Variants in SLC44A5 observed in about 807,000 individuals in gnomAD.
SLC44A5 encodes choline transporter-like protein 5.
Under a neutral mutation model 101.8 loss-of-function variants are expected in SLC44A5, and 57 were observed. The observed-to-expected ratio is 0.56, with a 90% CI of 0.45 to 0.70. SLC44A5 has a LOEUF of 0.70. Ranked by LOEUF, SLC44A5 falls within the 30% of genes least tolerant of loss-of-function variation. The pLI, the probability that SLC44A5 is intolerant of heterozygous loss-of-function variation, is 0.00. For missense variants in SLC44A5, 737 were observed against 853.1 expected (o/e 0.86, Z 1.70); for synonymous variants, 281 against 290.9 (o/e 0.97, Z 0.35).
At chr1:75,682,356 A>G in the SLC44A5 span, among the ~76,000 whole-genome samples, 1 of 152,046 alleles carries the variant, frequency 6.6e-6, no homozygotes, top group Admixed American at 6.6e-5. Context: ...TTCAAACTAT[A>G]CTACAAGGCT....
At chr1:75,578,068 G>A (rs1673473120) in intron 1 of SLC44A5, among the ~76,000 whole-genome samples, 1 of 151,974 alleles carries the variant, frequency 6.6e-6, no homozygotes, top group Non-Finnish European at 1.5e-5. Flanking sequence ...ATTCTCTAAA[G>A]ATGATCTGCT....
At chr1:75,511,142 C>CA (rs1475964625) in intron 2 of SLC44A5, among the ~76,000 whole-genome samples, 4 of 150,504 alleles carry the variant, frequency 2.7e-5, no homozygotes, top group Non-Finnish European at 4.4e-5. Context: ...GACTCCGTCT[C>CA]AGAAAAAAAG....
the SLC44A5 span, among the ~76,000 whole-genome samples, chr1:75,717,340 C>CA: frequency 2.1e-3 from 209 of 97,724 alleles, no homozygotes; most frequent in South Asian, 2.9e-3. Flanking sequence ...GACCCTGTCT[C>CA]AAAAAAAAAA....
At chr1:75,364,292 T>C (rs948014879) in intron 3 of SLC44A5, among the ~76,000 whole-genome samples, 8 of 152,180 alleles carry the variant, frequency 5.3e-5, no homozygotes, top group Non-Finnish European at 1.5e-5. Flanking sequence ...TGCTGGCATC[T>C]GCTCAGCTTC....
At chr1:75,367,045 G>T (rs1220895444) in intron 3 of SLC44A5, among the ~76,000 whole-genome samples, 1 of 152,170 alleles carries the variant, frequency 6.6e-6, no homozygotes, top group Non-Finnish European at 1.5e-5. Flanking sequence ...TTTGATGTCA[G>T]TTACTAGAGC....
intron 2 of SLC44A5, among the ~76,000 whole-genome samples, chr1:75,516,078 T>G (rs1443110826): frequency 6.6e-6 from 1 of 152,198 alleles, no homozygotes; most frequent in African/African-American, 2.4e-5. Context: ...TTTCCAATTA[T>G]AATAGAGCCA....
chr1:75,611,245 G>C (rs564027774), upstream of SLC44A5: 12 of 201,480 alleles, frequency 6.0e-5, no homozygotes, highest in African/African-American at 2.4e-4. Flanking sequence ...GTATAAAGAG[G>C]GGGAGGAGAC....
intron 23 of SLC44A5, among the ~76,000 whole-genome samples, chr1:75,209,455 T>C (rs1202975576): frequency 2.0e-5 from 3 of 152,216 alleles, no homozygotes; most frequent in Non-Finnish European, 4.4e-5. Flanking sequence ...TTGACCTTAC[T>C]CGTGCTCCTT....
chr1:75,452,409 A>T (rs576564102), intron 2 of SLC44A5, among the ~76,000 whole-genome samples: 1 of 152,296 alleles, frequency 6.6e-6, no homozygotes, highest in African/African-American at 2.4e-5. Flanking sequence ...AGCTCTAAAC[A>T]TGGAAATGAC....
chr1:75,510,641 T>C (rs1408740882), intron 2 of SLC44A5, among the ~76,000 whole-genome samples: 1 of 152,164 alleles, frequency 6.6e-6, no homozygotes, highest in African/African-American at 2.4e-5. Flanking sequence ...GCTAAACAAA[T>C]TCACATATAC....
chr1:75,600,798 C>T (rs1233469797), intron 1 of SLC44A5, among the ~76,000 whole-genome samples: 3 of 152,058 alleles, frequency 2.0e-5, no homozygotes, highest in Non-Finnish European at 2.9e-5. Flanking sequence ...ATAGGCTATA[C>T]CATATAGCCT....
chr1:75,404,526 G>T (rs952621396), intron 2 of SLC44A5, among the ~76,000 whole-genome samples: 5 of 152,186 alleles, frequency 3.3e-5, no homozygotes, highest in African/African-American at 1.2e-4. Context: ...AGCCAGAAGA[G>T]AGTGGGAGCA....
intron 4 of SLC44A5, among the ~76,000 whole-genome samples, chr1:75,319,367 T>C (rs190494237): frequency 6.6e-6 from 1 of 152,186 alleles, no homozygotes. Flanking sequence ...TAGGTTGAAT[T>C]TGTTATAAAA....
intron 2 of SLC44A5, among the ~76,000 whole-genome samples, chr1:75,513,680 T>C (rs532920091): frequency 6.6e-6 from 1 of 152,236 alleles, no homozygotes; most frequent in Non-Finnish European, 1.5e-5. Flanking sequence ...TCTTGATTGG[T>C]ACACAGCTAG....
chr1:75,515,656 A>G (rs1192593320), intron 2 of SLC44A5, among the ~76,000 whole-genome samples: 3 of 152,166 alleles, frequency 2.0e-5, no homozygotes, highest in Non-Finnish European at 4.4e-5. Context: ...TAATCCATTC[A>G]TCTGTTGATG....
intron 4 of SLC44A5, among the ~76,000 whole-genome samples, chr1:75,321,269 C>T (rs935351002): frequency 6.6e-6 from 1 of 152,088 alleles, no homozygotes; most frequent in Non-Finnish European, 1.5e-5. Context: ...CAATTTATTT[C>T]TCTTAGCTCA....
At chr1:75,216,460 A>C (rs1570377080) in intron 18 of SLC44A5, among the ~76,000 whole-genome samples, 1 of 151,976 alleles carries the variant, frequency 6.6e-6, no homozygotes, top group East Asian at 1.9e-4. Context: ...ATGTATATCT[A>C]GATATAGGAT....
intron 2 of SLC44A5, among the ~76,000 whole-genome samples, chr1:75,404,959 G>A (rs985953729): frequency 1.2e-4 from 19 of 152,296 alleles, no homozygotes; most frequent in African/African-American, 2.6e-4. Flanking sequence ...CCCATCTCAC[G>A]TGCAAAGGCA....
At chr1:75,241,677 G>A (rs1648640596) in intron 9 of SLC44A5, among the ~76,000 whole-genome samples, 1 of 152,062 alleles carries the variant, frequency 6.6e-6, no homozygotes, top group East Asian at 1.9e-4. Flanking sequence ...AATCAGGAGT[G>A]GGTGTATATG....
Sources: allele counts gnomAD v4.1 joint callset (sites outside exome capture counted in the v4.1 genomes callset), GRCh38; gene constraint gnomAD v4.1.1; transcripts MANE v1.5; gene names NCBI Gene and HGNC (gene_info 2026-07-23, HGNC 2026-07-21).